MYO1D: variants seen among roughly 807,000 people sequenced by gnomAD.
The protein encoded by MYO1D is myosin ID.
MYO1D carries 83 observed loss-of-function variants against 122.0 expected under a neutral mutation model. The observed-to-expected ratio is 0.68, with a 90% CI of 0.57 to 0.82. MYO1D has a LOEUF of 0.82. MYO1D is among the 40% of genes least tolerant of loss of function. The pLI is 0.00. For synonymous variants in MYO1D, 464 were observed against 446.9 expected (o/e 1.04, Z -0.48); for missense variants, 1,157 against 1,269.5 (o/e 0.91, Z 1.35).
At chr17:32,612,067 TAGAA>T (rs2087708914) in intron 20 of MYO1D, among the ~76,000 whole-genome samples, 1 of 152,092 alleles carries the variant, frequency 6.6e-6, no homozygotes, top group African/African-American at 2.4e-5. Flanking sequence ...GCATAAAAAA[TAGAA>T]AGCATTTAAA....
intron 13 of MYO1D, among the ~76,000 whole-genome samples, chr17:32,744,658 T>A (rs2089811992): frequency 6.6e-6 from 1 of 152,246 alleles, no homozygotes. Context: ...TTCATGGACC[T>A]TCTTTTTAAA....
chr17:32,832,987 C>T (rs565657522), intron 1 of MYO1D, among the ~76,000 whole-genome samples: 5 of 152,308 alleles, frequency 3.3e-5, no homozygotes, highest in Non-Finnish European at 5.9e-5. Context: ...CCCCGAGTCT[C>T]GGGTGCTCAA....
chr17:32,687,389 G>A (rs2089032698), intron 16 of MYO1D, among the ~76,000 whole-genome samples: 1 of 152,150 alleles, frequency 6.6e-6, no homozygotes, highest in Non-Finnish European at 1.5e-5. Context: ...AGTGGAGACA[G>A]GGTTTCACCA....
intron 21 of MYO1D, among the ~76,000 whole-genome samples, chr17:32,522,359 C>G (rs1298283198): frequency 1.3e-5 from 2 of 152,126 alleles, no homozygotes; most frequent in Non-Finnish European, 2.9e-5. Context: ...AGCCTTTTCA[C>G]CAAAAATGGG....
chr17:32,717,132 T>A (rs1469457190), intron 15 of MYO1D, among the ~76,000 whole-genome samples: 1 of 152,228 alleles, frequency 6.6e-6, no homozygotes, highest in East Asian at 1.9e-4. Flanking sequence ...TAATGTATAC[T>A]CCTCAAGTGG....
In MYO1D at chr17:32,720,053, T is replaced by C. The variant is rs182385503; in HGVS notation, c.1913+970A>G. On this transcript the variant is annotated intron_variant, in intron 15 of 21. Transcript: ENST00000318217. ...TCTTTTTTGACCAACTAATCTAAAG[T>C]ATTTTAATTTTCTGCATTTTTCTTA... Among the ~76,000 whole-genome samples, 7 of 152,310 alleles carry C rather than the reference T, an allele frequency of 4.6e-5. No individual in the cohort carries two copies. The East Asian group carries it at 9.6e-4, about 21-fold the overall frequency.
intron 16 of MYO1D, among the ~76,000 whole-genome samples, chr17:32,661,794 A>G (rs1356312909): frequency 2.0e-5 from 3 of 152,182 alleles, no homozygotes; most frequent in Non-Finnish European, 2.9e-5. Flanking sequence ...CTTCCCAATC[A>G]TAGTTAAAGT....
chr17:32,630,642 G>A (rs1397993566), intron 20 of MYO1D, among the ~76,000 whole-genome samples: 1 of 150,910 alleles, frequency 6.6e-6, no homozygotes, highest in African/African-American at 2.4e-5. Context: ...GTGTGATCTC[G>A]GCTCACCGCA....
chr17:32,542,422 C>T (rs1464293881), intron 21 of MYO1D, among the ~76,000 whole-genome samples: 1 of 152,108 alleles, frequency 6.6e-6, no homozygotes, highest in Non-Finnish European at 1.5e-5. Context: ...AGGGGTGGCC[C>T]ACTGGCTGTC....
intron 1 of MYO1D, among the ~76,000 whole-genome samples, chr17:32,829,375 C>T (rs1219342985): frequency 6.6e-6 from 1 of 152,268 alleles, no homozygotes; most frequent in African/African-American, 2.4e-5. Context: ...ACACATACCT[C>T]TGGCTTTGCA....
intron 1 of MYO1D, among the ~76,000 whole-genome samples, chr17:32,866,180 C>G (rs1021226804): frequency 6.6e-6 from 1 of 152,156 alleles, no homozygotes; most frequent in African/African-American, 2.4e-5. Flanking sequence ...TTGCACCTGG[C>G]TCCTCAGTAA....
chr17:32,495,049 G>A (rs1909040745), intron 21 of MYO1D, 134 bp from the exon 22 acceptor site: 3 of 1,168,048 alleles, frequency 2.6e-6, no homozygotes, highest in Non-Finnish European at 3.5e-6. Flanking sequence ...ATGCCTGAAG[G>A]GCCCCAGAGA....
chr17:32,678,870 C>T lies in MYO1D; in HGVS notation c.2122-19532G>A, dbSNP rs922197382. On this transcript the variant is annotated intron_variant, in intron 16 of 21. Transcript: ENST00000318217. ...CAATGGTTGAACTACTTTACAGTCC[C>T]ACCAACAGTGTAAAAGTGTTCCTAT... Among the ~76,000 whole-genome samples, 3 of 151,028 alleles carry T rather than the reference C, an allele frequency of 2.0e-5. No individual in the cohort carries two copies. The South Asian group carries it at 6.2e-4, about 31-fold the overall frequency.
intron 16 of MYO1D, among the ~76,000 whole-genome samples, chr17:32,671,395 A>G (rs1251638452): frequency 6.6e-6 from 1 of 152,210 alleles, no homozygotes; most frequent in South Asian, 2.1e-4. Flanking sequence ...GCCAAGAAAA[A>G]TCCTGTGTCA....
At chr17:32,775,263 T>C (rs911041292) in intron 4 of MYO1D, among the ~76,000 whole-genome samples, 4 of 151,078 alleles carry the variant, frequency 2.6e-5, no homozygotes, top group Non-Finnish European at 5.9e-5. Flanking sequence ...TTCATGCTAC[T>C]GCACTCCAGC....
At chr17:32,641,232 A>G (rs923858963) in intron 19 of MYO1D, among the ~76,000 whole-genome samples, 59 of 133,960 alleles carry the variant, frequency 4.4e-4, no homozygotes, top group African/African-American at 1.5e-3. Context: ...GATGGTTTCC[A>G]GCTTCATCCA....
chr17:32,748,521 C>T (rs2089864068), intron 12 of MYO1D, among the ~76,000 whole-genome samples: 1 of 152,170 alleles, frequency 6.6e-6, no homozygotes, highest in African/African-American at 2.4e-5. Flanking sequence ...CTGTGCTTCT[C>T]TAGTTTAACT....
At chr17:32,819,913 T>C (rs1256085033) in intron 1 of MYO1D, among the ~76,000 whole-genome samples, 2 of 152,238 alleles carry the variant, frequency 1.3e-5, no homozygotes, top group African/African-American at 4.8e-5. Context: ...AATTTCAATC[T>C]AGACAACATG....
chr17:32,798,497 C>T (rs577310344), intron 1 of MYO1D, among the ~76,000 whole-genome samples: 1 of 152,290 alleles, frequency 6.6e-6, no homozygotes, highest in East Asian at 1.9e-4. Context: ...TAAGGAGGCT[C>T]AATCACTGCT....
Sources: gnomAD v4.1 joint callset for allele counts (sites outside exome capture counted in the v4.1 genomes callset) on GRCh38, gnomAD v4.1.1 for gene constraint, MANE v1.5 for transcripts, NCBI Gene and HGNC (gene_info 2026-07-23, HGNC 2026-07-21) for gene names.